KCNJ6: variants seen among roughly 807,000 people sequenced by gnomAD.
KCNJ6 encodes the protein potassium inwardly rectifying channel subfamily J member 6.
Under a neutral mutation model 34.2 loss-of-function variants are expected in KCNJ6, and 9 were observed. The observed-to-expected ratio is 0.26, with a 90% CI of 0.16 to 0.46. KCNJ6 has a LOEUF of 0.46. Among genes scored for constraint, KCNJ6 ranks in the 20% least tolerant of loss-of-function variants. The probability of loss-of-function intolerance (pLI) is 1.00; values close to 1 mark genes in which losing one functional copy is unlikely to be tolerated. For synonymous variants in KCNJ6, 196 were observed against 207.1 expected, an observed-to-expected ratio of 0.95 and a Z score of 0.46; for missense variants, 236 against 531.3, an observed-to-expected ratio of 0.44 and a Z score of 5.46.
rs539555218 is a variant in KCNJ6 at position 37,786,802 on chromosome 21, T to C, written c.25+53856A>G. ...TCTTCATTTTAAAATGGGGCCGTTG[T>C]GAGGATTATACCTGACCAGATACAT... On this transcript the variant is annotated intron_variant, in intron 2 of 3. Coordinates refer to ENST00000609713, the MANE Select transcript of KCNJ6 (RefSeq NM_002240.5). Among the ~76,000 whole-genome samples the C allele has an allele frequency of 1.6e-3, 239 of 152,332 alleles. 1 individual carries two copies. The highest frequency in any genetic ancestry group is 5.3e-3 in the African/African-American group (222 of 41,584).
chr21:37,901,078 TC>T (rs1460848410), intron 1 of KCNJ6, among the ~76,000 whole-genome samples: 1 of 152,192 alleles, frequency 6.6e-6, no homozygotes, highest in Non-Finnish European at 1.5e-5. Flanking sequence ...TTCACATTTT[TC>T]TACAGTGAAC....
chr21:37,636,262 A>G (rs1218655000), intron 3 of KCNJ6, among the ~76,000 whole-genome samples: 1 of 152,212 alleles, frequency 6.6e-6, no homozygotes, highest in Non-Finnish European at 1.5e-5. Flanking sequence ...ACACCCTCAC[A>G]GACACACCCA....
rs376184391 is a variant in KCNJ6 at position 37,651,292 on chromosome 21, G to C, written c.947-25808C>G. The stretch of plus-strand genomic sequence containing the variant: ...TGATATGAGGTGAGGCTAAAGAGGA[G>C]AGCGGGGGCCCACATGTAGGCCTGT... On this transcript the variant is annotated intron_variant, in intron 3 of 3. Coordinates refer to ENST00000609713, the MANE Select transcript of KCNJ6 (RefSeq NM_002240.5). Among the ~76,000 whole-genome samples the C allele has an allele frequency of 1.1e-3, 175 of 152,324 alleles. 7 individuals are homozygous for C. The South Asian group carries it at 0.035, about 31-fold the overall frequency.
chr21:37,692,725 T>C (rs1187166966), intron 3 of KCNJ6, among the ~76,000 whole-genome samples: 2 of 152,206 alleles, frequency 1.3e-5, no homozygotes, highest in Non-Finnish European at 2.9e-5. Context: ...CATAGAATAT[T>C]GACAATGTGA....
chr21:37,843,304 C>T (rs1440951925), intron 1 of KCNJ6, among the ~76,000 whole-genome samples: 2 of 152,240 alleles, frequency 1.3e-5, no homozygotes, highest in East Asian at 3.9e-4. Context: ...CAGCAATTTC[C>T]TCTTCCCTGT....
intron 2 of KCNJ6, among the ~76,000 whole-genome samples, chr21:37,770,666 A>G (rs1258097126): frequency 6.6e-6 from 1 of 152,208 alleles, no homozygotes; most frequent in African/African-American, 2.4e-5. Context: ...CTAAACAAAG[A>G]ACCATGACTA....
rs756590625 is a variant in KCNJ6 at position 37,631,481 on chromosome 21, G to A, written c.947-5997C>T. On this transcript the variant is annotated intron_variant, in intron 3 of 3. Coordinates refer to ENST00000609713, the MANE Select transcript of KCNJ6 (RefSeq NM_002240.5). ...GGGGCTGGTGAAGAGGGAATAACAC[G>A]CCTATTCCTTCCCACCAAGTATAGT... is the stretch of plus-strand genomic sequence containing the variant. Among the ~76,000 whole-genome samples, 118 of 152,242 alleles carry A rather than the reference G, an allele frequency of 7.8e-4. 1 individual carries two copies. Among genetic ancestry groups the A allele is most frequent in the Middle Eastern group, 6.8e-3 (2 of 294 alleles).
At chr21:37,638,277 GC>G (rs1200245456) in intron 3 of KCNJ6, among the ~76,000 whole-genome samples, 1 of 152,152 alleles carries the variant, frequency 6.6e-6, no homozygotes, top group African/African-American at 2.4e-5. Context: ...CTCCCAAGTA[GC>G]TGGGATTAGA....
In KCNJ6 at chr21:37,772,375, T is replaced by C. The variant is rs138483787; in HGVS notation, c.26-57244A>G. On this transcript the variant is annotated intron_variant, in intron 2 of 3. Transcript: ENST00000609713. ...ATAGAAACACACACACACACACACA[T>C]GCATGCATATTTAACAGTAGAAATT... Among the ~76,000 whole-genome samples, 611 of 151,390 alleles carry C rather than the reference T, an allele frequency of 4.0e-3. 2 individuals carry two copies. The highest frequency in any genetic ancestry group is 0.014 in the African/African-American group (588 of 40,852).
At chr21:37,842,246 C>T (rs1239290358) in intron 1 of KCNJ6, among the ~76,000 whole-genome samples, 2 of 152,196 alleles carry the variant, frequency 1.3e-5, no homozygotes, top group African/African-American at 2.4e-5. Context: ...CCTCTGCCAT[C>T]GACATTTTCG....
At chr21:37,782,111 G>A (rs2055172179) in intron 2 of KCNJ6, among the ~76,000 whole-genome samples, 1 of 152,170 alleles carries the variant, frequency 6.6e-6, no homozygotes, top group Admixed American at 6.5e-5. Context: ...GAGAGAGACG[G>A]ATGGGGTGGG....
rs759684203 is a variant in KCNJ6, at chr21:37,624,564, A to G, written c.*595T>C. On this transcript the variant is annotated 3_prime_UTR_variant, in exon 4 of 4. Coordinates refer to ENST00000609713, the MANE Select transcript of KCNJ6 (RefSeq NM_002240.5). ...GTACAGTATTTAGCAGTTCTGTTCT[A>G]TGGTACTTTTGTACATGCTGGGTTT... is the stretch of plus-strand genomic sequence containing the variant. The G allele has an allele frequency of 2.2e-4, 34 of 152,740 alleles. No homozygotes were observed. Among genetic ancestry groups the G allele is most frequent in the Non-Finnish European group, 3.8e-4 (26 of 68,562 alleles). The allele number at this position is 152,740 out of a possible 1,614,324, so 9.5% of individuals were successfully genotyped here. A position where few individuals can be genotyped will look rare whatever the true frequency, so the allele number is the denominator to read the frequency against.
At chr21:37,799,911 T>C (rs1224149706) in intron 2 of KCNJ6, among the ~76,000 whole-genome samples, 1 of 152,210 alleles carries the variant, frequency 6.6e-6, no homozygotes, top group East Asian at 1.9e-4. Context: ...TTATTATCTA[T>C]GAATTTCTTC....
At chr21:37,741,541 G>T (rs1021944052) in intron 2 of KCNJ6, among the ~76,000 whole-genome samples, 1 of 152,064 alleles carries the variant, frequency 6.6e-6, no homozygotes, top group African/African-American at 2.4e-5. Context: ...GGTTGTGATG[G>T]CTCTAGATGT....
rs2054302806 is a variant in KCNJ6 at position 37,624,668 on chromosome 21, T to C, written c.*491A>G. ...GTTTGTCTTCAGCTCACCTGGGCCC[T>C]GTAACTGCCACACCCACATGGGGGC... On this transcript the variant is annotated 3_prime_UTR_variant, in exon 4 of 4. Transcript: ENST00000609713. 6.1e-6 allele frequency: 1 copy of C among 164,394 alleles called. No individual in the cohort carries two copies. The highest frequency in any genetic ancestry group is 2.4e-5 in the African/African-American group (1 of 41,530). 10.2% of individuals were successfully genotyped at this position (164,394 alleles called of 1,614,324 possible).
chr21:37,789,025 C>G (rs1240463533), intron 2 of KCNJ6, among the ~76,000 whole-genome samples: 1 of 152,190 alleles, frequency 6.6e-6, no homozygotes, highest in Non-Finnish European at 1.5e-5. Context: ...TCACTACTCT[C>G]AAGACTCTTT....
At position 37,714,192 on chromosome 21, in the gene KCNJ6, A is replaced by G; in HGVS notation, c.946+19T>C. On this transcript the variant is annotated intron_variant, in intron 3 of 3. Coordinates refer to ENST00000609713, the MANE Select transcript of KCNJ6 (RefSeq NM_002240.5). This position sits in a 1 kb window ranked among gnomAD's most constrained non-coding sequence, Gnocchi z 5.9. Reference sequence around the variant, plus strand: ...TGAGCATCTATCCCACAGCCATCCCAGGATAGAACACATCTTACCTGTGGC... The same window carrying G: ...TGAGCATCTATCCCACAGCCATCCCGGGATAGAACACATCTTACCTGTGGC... 6.4e-7 allele frequency: 1 copy of G among 1,569,678 alleles called. No individual in the cohort carries two copies. Among genetic ancestry groups the G allele is most frequent in the South Asian group, 1.1e-5 (1 of 88,552 alleles).
intron 1 of KCNJ6, among the ~76,000 whole-genome samples, chr21:37,877,315 C>T (rs2055683876): frequency 6.6e-6 from 1 of 152,198 alleles, no homozygotes; most frequent in African/African-American, 2.4e-5. Context: ...TCTGCAGTTT[C>T]TACCATGAAA....
intron 1 of KCNJ6, among the ~76,000 whole-genome samples, chr21:37,889,840 C>T (rs1258668499): frequency 1.3e-5 from 2 of 152,226 alleles, no homozygotes; most frequent in Non-Finnish European, 2.9e-5. Context: ...ACTGGATTAA[C>T]ATTCACCCTA....
Sources: allele counts gnomAD v4.1 joint callset (sites outside exome capture counted in the v4.1 genomes callset), GRCh38; gene constraint gnomAD v4.1.1; non-coding constraint Gnocchi (gnomAD v3.1); transcripts MANE v1.5; gene names NCBI Gene and HGNC (gene_info 2026-07-23, HGNC 2026-07-21).